The following RNF7 variants were observed in gnomAD, a reference collection of about 807,000 sequenced individuals.
RNF7 encodes ring finger protein 7, also known as RING-box protein 2.
In RNF7, 9 loss-of-function variants were observed where a neutral mutation model predicts 17.0. The ratio of observed to expected loss-of-function variants is 0.53; its 90% CI spans 0.32 to 0.92. The LOEUF is 0.92. Among genes scored for constraint, RNF7 ranks in the 40% least tolerant of loss-of-function variants. RNF7 has a pLI of 0.04. For missense variants in RNF7, 87 were observed against 145.8 expected, an observed-to-expected ratio of 0.60 and a Z score of 2.08; for synonymous variants, 59 against 50.5, an observed-to-expected ratio of 1.17 and a Z score of -0.72.
At chr3:141,742,818 G>A (rs2084434335) in intron 1 of RNF7, 2 of 1,197,420 alleles carry the variant, frequency 1.7e-6, no homozygotes, top group Non-Finnish European at 2.1e-6. Context: ...AGCATACAAA[G>A]CAGTTTATTT....
At chr3:141,744,347 A>C (rs6785010) in intron 2 of RNF7, among the ~76,000 whole-genome samples, 10,561 of 150,778 alleles carry the variant, frequency 0.07, 1,244 homozygotes, top group African/African-American at 0.24. Flanking sequence ...TTTCTGCCTT[A>C]TTTCTTTCAT....
rs535986109 is a variant in RNF7 at position 141,746,220 on chromosome 3, G to T, written c.*943G>T. The T allele has an allele frequency of 6.6e-6, 1 of 151,714 alleles. No homozygotes were observed. Among genetic ancestry groups the T allele is most frequent in the African/African-American group, 2.4e-5 (1 of 41,282 alleles). 9.4% of individuals were successfully genotyped at this position (151,714 alleles called of 1,614,324 possible). On this transcript the variant is annotated 3_prime_UTR_variant, in exon 3 of 3. Transcript: ENST00000273480. ...TCAAACTCCTGACCTCAGGTGATTC[G>T]CCCACCTCAGCCTCCCAAAGTGCTG...
chr3:141,747,510 C>G lies in RNF7; in HGVS notation c.*2233C>G, dbSNP rs908656900. The G allele has an allele frequency of 6.6e-6, 1 of 152,118 alleles. No homozygotes were observed. The highest frequency in any genetic ancestry group is 1.5e-5 in the Non-Finnish European group (1 of 68,038). The allele number at this position is 152,118 out of a possible 1,614,324, so 9.4% of individuals were successfully genotyped here. The stretch of plus-strand genomic sequence containing the variant: ...CCTTTTTTATAAAAATACTGTGTCC[C>G]CCTTTACTGTCATGAAGTGAAATTC... On this transcript the variant is annotated 3_prime_UTR_variant, in exon 3 of 3. Coordinates refer to ENST00000273480, the MANE Select transcript of RNF7 (RefSeq NM_014245.5).
At chr3:141,740,805 A>T (rs538041692) in intron 1 of RNF7, among the ~76,000 whole-genome samples, 1 of 152,314 alleles carries the variant, frequency 6.6e-6, no homozygotes, top group South Asian at 2.1e-4. Context: ...TCTACATCAG[A>T]GCTATAAGTG....
chr3:141,747,355 C>A lies in RNF7; in HGVS notation c.*2078C>A, dbSNP rs1345947438. On this transcript the variant is annotated 3_prime_UTR_variant, in exon 3 of 3. Transcript: ENST00000273480. ...TTTTCTTTCCATTTGATTAAATGTG[C>A]TGATTTTATTTTACTGTTGCATTAG... 6.6e-6 allele frequency: 1 copy of A among 152,178 alleles called. No individual in the cohort carries two copies. Among genetic ancestry groups the A allele is most frequent in the African/African-American group, 2.4e-5 (1 of 41,432 alleles). 9.4% of individuals were successfully genotyped at this position (152,178 alleles called of 1,614,324 possible).
intron 1 of RNF7, chr3:141,743,048 C>A: frequency 3.1e-6 from 1 of 319,028 alleles, no homozygotes; most frequent in Non-Finnish European, 4.7e-6. Context: ...CTTCCCATTC[C>A]AAACCCTCCC....
At chr3:141,742,937 T>A in intron 1 of RNF7, 1 of 1,025,254 alleles carries the variant, frequency 9.8e-7, no homozygotes, top group South Asian at 3.2e-5. Flanking sequence ...AAAAACTTGT[T>A]TATGAAGCAA....
intron 1 of RNF7, among the ~76,000 whole-genome samples, chr3:141,739,630 A>AG (rs1384948870): frequency 1.3e-5 from 2 of 152,196 alleles, no homozygotes; most frequent in Non-Finnish European, 2.9e-5. Flanking sequence ...GCTCACCTTA[A>AG]GGGGGGTGAG....
At chr3:141,742,713 A>T (rs1301848874) in intron 1 of RNF7, 2 of 1,240,108 alleles carry the variant, frequency 1.6e-6, no homozygotes, top group Admixed American at 2.3e-5. Context: ...ATGGGATTTG[A>T]CTGTAGATCT....
chr3:141,740,176 TTTTTTTTAAGACAAG>T (rs2084402220), intron 1 of RNF7, among the ~76,000 whole-genome samples: 1 of 152,078 alleles, frequency 6.6e-6, no homozygotes. Context: ...CTCTTTTTTT[TTTTTTTTAAGACAAG>T]TTTCGCTAAA....
intron 1 of RNF7, 52 bp from the exon 2 acceptor site, chr3:141,743,457 A>T: frequency 1.4e-5 from 21 of 1,479,926 alleles, no homozygotes; most frequent in Non-Finnish European, 2.0e-5. Flanking sequence ...TCTGGTTTTT[A>T]AAAATTGCAT....
intron 2 of RNF7, among the ~76,000 whole-genome samples, chr3:141,744,299 C>G (rs1420437248): frequency 6.6e-6 from 1 of 152,074 alleles, no homozygotes; most frequent in Non-Finnish European, 1.5e-5. Flanking sequence ...TTGCTTCCTA[C>G]CCCCTGTAGC....
Position 141,743,491 on chromosome 3 carries a change from C to T in RNF7, c.176-18C>T, listed in dbSNP as rs760090384. 2 of 1,602,652 alleles carry T rather than the reference C, an allele frequency of 1.2e-6. No individual in the cohort carries two copies. The highest frequency in any genetic ancestry group is 1.3e-5 in the African/African-American group (1 of 74,446). ...ATTCTGAGCATCAGAATGAGAATCG[C>T]TATTTGTTTACTTTTAGATGCCTGT... On this transcript the variant is annotated intron_variant, in intron 1 of 2. Transcript: ENST00000273480.
chr3:141,740,439 G>T (rs2084404982), intron 1 of RNF7, among the ~76,000 whole-genome samples: 2 of 152,224 alleles, frequency 1.3e-5, no homozygotes, highest in African/African-American at 4.8e-5. Flanking sequence ...GTAGGTCAAA[G>T]TATAGACTAT....
intron 1 of RNF7, among the ~76,000 whole-genome samples, chr3:141,740,007 G>T (rs895502080): frequency 5.3e-5 from 8 of 152,118 alleles, no homozygotes; most frequent in African/African-American, 1.9e-4. Context: ...CTATACTCCA[G>T]CTTGGGTGAC....
Position 141,738,407 on chromosome 3 carries a change from C to T in RNF7, c.66C>T (p.Ser22=). 6.2e-7 allele frequency: 1 copy of T among 1,608,372 alleles called. No homozygotes were observed. The highest frequency in any genetic ancestry group is 8.5e-7 in the Non-Finnish European group (1 of 1,177,438). The change falls in exon 1 of 3, where the codon TCC becomes TCT. Residue 22 remains serine (S), a synonymous_variant. Coordinates refer to ENST00000273480, the MANE Select transcript of RNF7 (RefSeq NM_014245.5). ...ALASHSGSSG[S]KSGGDKMFSL... ...CCTCTCACTCCGGGAGCTCAGGCTC[C>T]AAGTCGGGAGGCGACAAGATGTTCT...
chr3:141,743,018 C>T, intron 1 of RNF7: 4 of 565,290 alleles, frequency 7.1e-6, no homozygotes, highest in Non-Finnish European at 9.0e-6. Context: ...TGTATATTAC[C>T]TGGAAGAGTG....
At position 141,742,704 on chromosome 3, in the gene RNF7, T is replaced by G. The variant is rs764220416; in HGVS notation, c.176-805T>G. 7.3e-6 allele frequency: 9 copies of G among 1,228,110 alleles called. No homozygotes were observed. The East Asian group carries it at 5.1e-4, about 69-fold the overall frequency. The allele number at this position is 1,228,110 out of a possible 1,614,324, so 76.1% of individuals were successfully genotyped here. ...CTGAACCTAATAAATGCCAGTGAAATGGGATTTGACTGTAGATCTGGCTCC... is the reference window on the plus strand; with the variant it reads ...CTGAACCTAATAAATGCCAGTGAAAGGGGATTTGACTGTAGATCTGGCTCC... On this transcript the variant is annotated intron_variant, in intron 1 of 2. Transcript: ENST00000273480.
chr3:141,738,491 C>T lies in RNF7; in HGVS notation c.150C>T (p.Cys50=). 2.5e-6 allele frequency: 4 copies of T among 1,613,522 alleles called. No homozygotes were observed. Among genetic ancestry groups the T allele is most frequent in the Middle Eastern group, 3.3e-4 (2 of 6,046 alleles). Residue 50 remains cysteine (C), a synonymous_variant, in exon 1 of 3, where the codon TGC becomes TGT. Transcript: ENST00000273480. ...MWSWDVECDT[C]AICRVQVMDA... ...GCTGGGACGTGGAGTGCGATACGTG[C>T]GCCATCTGCAGGGTCCAGGTGATGG...
Sources: allele counts gnomAD v4.1 joint callset (sites outside exome capture counted in the v4.1 genomes callset), GRCh38; gene constraint gnomAD v4.1.1; transcripts MANE v1.5; gene names NCBI Gene and HGNC (gene_info 2026-07-23, HGNC 2026-07-21).